Variants in GET1 observed in about 807,000 individuals in gnomAD.
GET1 encodes congenital heart disease 5 protein.
In GET1, 20 loss-of-function variants were observed where a neutral mutation model predicts 22.6. That is an observed-to-expected ratio of 0.89 (90% CI 0.62 to 1.29). GET1 has a LOEUF of 1.29. Ranked by LOEUF, GET1 falls within the 50% of genes most tolerant of loss-of-function variation. The pLI, the probability that GET1 is intolerant of heterozygous loss-of-function variation, is 0.00. For synonymous variants in GET1, 92 were observed against 83.8 expected, an observed-to-expected ratio of 1.10 and a Z score of -0.53; for missense variants, 209 against 219.9, an observed-to-expected ratio of 0.95 and a Z score of 0.31.
At chr21:39,388,350 G>C (rs192103303) in intron 1 of GET1, among the ~76,000 whole-genome samples, 1 of 152,178 alleles carries the variant, frequency 6.6e-6, no homozygotes, top group East Asian at 1.9e-4. Context: ...ACGTTACCAC[G>C]ATCTGATCCT....
At chr21:39,409,913 T>G (rs1292804439), downstream of GET1, 18 of 920,882 alleles carry the variant, frequency 2.0e-5, no homozygotes, top group South Asian at 2.7e-4. The surrounding 1 kb of genome is among the most constrained non-coding windows in gnomAD (Gnocchi z 4.2). Flanking sequence ...GTGCTTTATA[T>G]ACACATATAG....
chr21:39,423,414 G>T, intron 1 of GET1: 1 of 1,602,900 alleles, frequency 6.2e-7, no homozygotes. Context: ...CTCTTCTTTG[G>T]GCAATCATAT....
downstream of GET1, chr21:39,410,095 C>T (rs1192926935): frequency 2.5e-6 from 4 of 1,596,476 alleles, no homozygotes; most frequent in South Asian, 4.4e-5. Context: ...TGCCTTTTTA[C>T]CCTGTAATTT....
chr21:39,427,389 G>A (rs2074911117), intron 1 of GET1, among the ~76,000 whole-genome samples: 2 of 152,164 alleles, frequency 1.3e-5, no homozygotes, highest in South Asian at 2.1e-4. Flanking sequence ...AGAGCCGGGC[G>A]CGGTGGCTCA....
At chr21:39,400,680 C>CAGCT (rs1037120374), downstream of GET1, among the ~76,000 whole-genome samples, 2 of 152,186 alleles carry the variant, frequency 1.3e-5, no homozygotes, top group Non-Finnish European at 2.9e-5. Flanking sequence ...CCAGGCCAGG[C>CAGCT]AGCTCATCCT....
At chr21:39,411,896 A>G in intron 1 of GET1, 1 of 663,676 alleles carries the variant, frequency 1.5e-6, no homozygotes, top group Non-Finnish European at 2.7e-6. Flanking sequence ...TCAGTATCCT[A>G]TGAATAAAAT....
chr21:39,421,101 G>GTT (rs200770360), intron 1 of GET1, among the ~76,000 whole-genome samples: 45 of 125,384 alleles, frequency 3.6e-4, no homozygotes, highest in Admixed American at 4.9e-4. Context: ...TTAACAATTC[G>GTT]TTTTTTTTTT....
At chr21:39,404,141 A>G (rs997708902) in intron 4 of GET1, among the ~76,000 whole-genome samples, 2 of 152,250 alleles carry the variant, frequency 1.3e-5, no homozygotes, top group Non-Finnish European at 2.9e-5. Flanking sequence ...AGTTGCCCTT[A>G]TAACTAAATG....
chr21:39,383,416 G>A (rs1157130277), intron 1 of GET1, among the ~76,000 whole-genome samples: 1 of 150,992 alleles, frequency 6.6e-6, no homozygotes, highest in Non-Finnish European at 1.5e-5. Context: ...CAAGTAGCTG[G>A]GATTACAGGT....
At chr21:39,415,444 A>G (rs1204167456) in intron 1 of GET1, among the ~76,000 whole-genome samples, 1 of 152,138 alleles carries the variant, frequency 6.6e-6, no homozygotes, top group Admixed American at 6.5e-5. Context: ...CTAATGAACA[A>G]CTCATGTGCT....
chr21:39,409,621 C>A (rs2039731642), downstream of GET1, among the ~76,000 whole-genome samples: 1 of 151,970 alleles, frequency 6.6e-6, no homozygotes, highest in African/African-American at 2.4e-5. The surrounding 1 kb of genome is among the most constrained non-coding windows in gnomAD (Gnocchi z 4.2). Context: ...GAGACAGAGT[C>A]TCACTCTGTC....
At chr21:39,410,186 A>G, downstream of GET1, 18 of 1,241,804 alleles carry the variant, frequency 1.4e-5, no homozygotes. Flanking sequence ...AATACTTTTC[A>G]CATAGAACAA....
chr21:39,423,469 T>TC (rs1344942216), intron 1 of GET1: 2 of 1,565,774 alleles, frequency 1.3e-6, no homozygotes, highest in Non-Finnish European at 1.7e-6. Flanking sequence ...GTGCTTTTTT[T>TC]CAACTGATAT....
intron 1 of GET1, chr21:39,387,668 T>G: frequency 4.9e-5 from 6 of 123,336 alleles, no homozygotes; most frequent in Non-Finnish European, 9.5e-5. Context: ...CCTAGACCCC[T>G]CCACCCCCCC....
chr21:39,382,928 T>C (rs2037641767), intron 1 of GET1, among the ~76,000 whole-genome samples: 1 of 152,242 alleles, frequency 6.6e-6, no homozygotes, highest in African/African-American at 2.4e-5. Flanking sequence ...TGTTTTCTTA[T>C]TTATTTATTC....
intron 3 of GET1, chr21:39,392,046 G>C (rs994943967): frequency 1.1e-5 from 6 of 544,544 alleles, no homozygotes; most frequent in African/African-American, 3.9e-5. Context: ...TAAAGTTTGG[G>C]ACTTTTTGGC....
downstream of GET1, among the ~76,000 whole-genome samples, chr21:39,399,799 A>C (rs1203408665): frequency 6.6e-6 from 1 of 152,112 alleles, no homozygotes; most frequent in Non-Finnish European, 1.5e-5. Flanking sequence ...GAAAGCAGGT[A>C]TCTCTTTGAT....
At chr21:39,406,380 TG>T in exon 5 of GET1, 1 of 1,614,238 alleles carries the variant, frequency 6.2e-7, no homozygotes, top group Non-Finnish European at 8.5e-7. Flanking sequence ...CTTTGCCAAG[TG>T]TGTCATCCAC....
rs115270645 is a variant in GET1, at chr21:39,405,549, T to C, written c.350-365T>C. On this transcript the variant is annotated intron_variant, in intron 4 of 4. Coordinates refer to the GET1 transcript ENST00000415847. ...TCTATTGCTGATAAATTTTGTTGTG[T>C]AGGAGATGCATGTCTTGGGTTGACT... is the stretch of plus-strand genomic sequence containing the variant. Among the ~76,000 whole-genome samples the C allele has an allele frequency of 2.3e-3, 352 of 152,310 alleles. 1 individual carries two copies. The highest frequency in any genetic ancestry group is 7.9e-3 in the African/African-American group (327 of 41,570).
Sources: allele counts gnomAD v4.1 joint callset (sites outside exome capture counted in the v4.1 genomes callset), GRCh38; gene constraint gnomAD v4.1.1; non-coding constraint Gnocchi (gnomAD v3.1); transcripts MANE v1.5; gene names NCBI Gene and HGNC (gene_info 2026-07-23, HGNC 2026-07-21).